The following ANKRD26 variants were observed in gnomAD, a reference collection of about 807,000 sequenced individuals.
The protein encoded by ANKRD26 is ankyrin repeat domain-containing protein 26.
ANKRD26 carries 141 observed loss-of-function variants against 208.7 expected under a neutral mutation model. The observed-to-expected ratio is 0.68, with a 90% CI of 0.59 to 0.78. The LOEUF (loss-of-function observed/expected upper bound fraction) is 0.78. Among genes scored for constraint, ANKRD26 ranks in the 30% least tolerant of loss-of-function variants. The probability of loss-of-function intolerance (pLI) is 0.00; values close to 1 mark genes in which losing one functional copy is unlikely to be tolerated. For synonymous variants in ANKRD26, 636 were observed against 660.4 expected (o/e 0.96, Z 0.57); for missense variants, 1,889 against 1,938.7 (o/e 0.97, Z 0.48).
chr10:26,948,834 C>T, the ANKRD26 span, among the ~76,000 whole-genome samples: 1 of 151,816 alleles, frequency 6.6e-6, no homozygotes, highest in African/African-American at 2.4e-5. Flanking sequence ...CTAAAAAGAC[C>T]CCCCAAAAAA....
chr10:27,074,289 T>C (rs1023699187), intron 9 of ANKRD26, among the ~76,000 whole-genome samples: 2 of 152,108 alleles, frequency 1.3e-5, no homozygotes, highest in African/African-American at 4.8e-5. Context: ...TTAAAAACAA[T>C]TCAGGATCTT....
chr10:27,082,903 A>G, intron 5 of ANKRD26, 70 bp from the exon 6 acceptor site: 1 of 1,520,100 alleles, frequency 6.6e-7, no homozygotes, highest in South Asian at 1.2e-5. Flanking sequence ...AAAGCATAAG[A>G]CTGATAGTTT....
At chr10:27,014,771 C>A (rs1289183388) in intron 30 of ANKRD26, 60 bp from the exon 31 acceptor site, 1 of 1,395,978 alleles carries the variant, frequency 7.2e-7, no homozygotes, top group East Asian at 2.4e-5. Flanking sequence ...ACCATGGTCA[C>A]CTACTCGGTG....
intron 1 of ANKRD26, among the ~76,000 whole-genome samples, chr10:27,096,144 G>A (rs952861578): frequency 6.6e-6 from 1 of 152,238 alleles, no homozygotes; most frequent in Non-Finnish European, 1.5e-5. Flanking sequence ...CTGGGGATGA[G>A]TTAAATACCT....
intron 13 of ANKRD26, 120 bp downstream of exon 13, chr10:27,061,024 G>T: frequency 1.3e-6 from 1 of 788,864 alleles, no homozygotes. Flanking sequence ...ACACAGTTAT[G>T]ATGCCACTTT....
intron 25 of ANKRD26, among the ~76,000 whole-genome samples, chr10:27,032,080 A>G (rs963473451): frequency 6.6e-6 from 1 of 152,228 alleles, no homozygotes; most frequent in Non-Finnish European, 1.5e-5. Context: ...ACTATAAAAT[A>G]CTGTTTAACA....
chr10:27,077,917 C>T (rs1223788884), intron 7 of ANKRD26, among the ~76,000 whole-genome samples: 2 of 149,806 alleles, frequency 1.3e-5, no homozygotes, highest in African/African-American at 4.9e-5. Flanking sequence ...GGTTACTCCC[C>T]TTACCCCTAA....
At chr10:26,971,969 C>T (rs1482128399), downstream of ANKRD26, among the ~76,000 whole-genome samples, 7 of 152,112 alleles carry the variant, frequency 4.6e-5, no homozygotes, top group Non-Finnish European at 8.8e-5. Flanking sequence ...GGCGCAGTGG[C>T]TCACGCCTGT....
intron 30 of ANKRD26, 59 bp downstream of exon 30, chr10:27,017,443 A>G: frequency 1.9e-6 from 3 of 1,564,938 alleles, no homozygotes; most frequent in Non-Finnish European, 2.6e-6. Flanking sequence ...CATATAATGT[A>G]TATATCCAAA....
At chr10:27,043,353 A>T in intron 20 of ANKRD26, 73 bp downstream of exon 20, 2 of 1,526,364 alleles carry the variant, frequency 1.3e-6, no homozygotes, top group Non-Finnish European at 1.8e-6. Context: ...TGCTAAATGT[A>T]CATACATTTA....
chr10:27,061,547 A>C (rs866448917), intron 12 of ANKRD26, among the ~76,000 whole-genome samples: 81 of 146,106 alleles, frequency 5.5e-4, no homozygotes, highest in African/African-American at 2.0e-3. Context: ...GATTAATATC[A>C]ATGCAACATC....
chr10:26,954,309 C>T, the ANKRD26 span, among the ~76,000 whole-genome samples: 5,233 of 152,252 alleles, frequency 0.034, 205 homozygotes, highest in African/African-American at 0.1. Context: ...TGTCCTAATG[C>T]TACCTTTCTC....
At chr10:27,045,387 G>A (rs902787588) in intron 18 of ANKRD26, among the ~76,000 whole-genome samples, 1 of 148,852 alleles carries the variant, frequency 6.7e-6, no homozygotes, top group Non-Finnish European at 1.5e-5. Flanking sequence ...TCACGTCACT[G>A]CACTCCAGTC....
At chr10:27,008,724 T>C (rs1349576720) in intron 32 of ANKRD26, among the ~76,000 whole-genome samples, 1 of 152,202 alleles carries the variant, frequency 6.6e-6, no homozygotes, top group African/African-American at 2.4e-5. Flanking sequence ...TAAATACAGG[T>C]TATTTTTCTC....
chr10:27,082,303 G>A (rs916947509), intron 6 of ANKRD26, among the ~76,000 whole-genome samples: 2 of 152,178 alleles, frequency 1.3e-5, no homozygotes, highest in Non-Finnish European at 2.9e-5. Context: ...TATGTAAAAT[G>A]TATGGCCCTG....
chr10:26,959,629 T>C, the ANKRD26 span, among the ~76,000 whole-genome samples: 4 of 150,934 alleles, frequency 2.7e-5, no homozygotes, highest in African/African-American at 9.8e-5. Flanking sequence ...AGTAACCACA[T>C]AATTCGAATG....
At chr10:27,014,469 C>A in intron 31 of ANKRD26, 25 bp downstream of exon 31, 3 of 1,483,252 alleles carry the variant, frequency 2.0e-6, no homozygotes, top group South Asian at 1.2e-5. Flanking sequence ...TAATTTATTT[C>A]CTATGATTCT....
chr10:27,025,929 A>G (rs1335048432), intron 27 of ANKRD26, among the ~76,000 whole-genome samples: 1 of 152,174 alleles, frequency 6.6e-6, no homozygotes, highest in Non-Finnish European at 1.5e-5. Flanking sequence ...CTAATCTTGT[A>G]CATTTTATGT....
At chr10:26,997,398 G>C (rs1248529872) in intron 4 of ANKRD26, among the ~76,000 whole-genome samples, 9 of 152,138 alleles carry the variant, frequency 5.9e-5, no homozygotes, top group Non-Finnish European at 1.2e-4. Context: ...TGTCAAGGTA[G>C]AATACTAGGA....
Sources: gnomAD v4.1 joint callset for allele counts (sites outside exome capture counted in the v4.1 genomes callset) on GRCh38, gnomAD v4.1.1 for gene constraint, MANE v1.5 for transcripts, NCBI Gene and HGNC (gene_info 2026-07-23, HGNC 2026-07-21) for gene names.